CFAP299: variants seen among roughly 807,000 people sequenced by gnomAD.
CFAP299 encodes cilia and flagella associated protein 299.
CFAP299 carries 21 observed loss-of-function variants against 27.0 expected under a neutral mutation model. The ratio of observed to expected loss-of-function variants is 0.78; its 90% CI spans 0.55 to 1.12. The LOEUF is 1.12. Ranked by LOEUF, CFAP299 falls within the 50% of genes most tolerant of loss-of-function variation. The probability of loss-of-function intolerance (pLI) is 0.00; values close to 1 mark genes in which losing one functional copy is unlikely to be tolerated. For missense variants in CFAP299, 310 were observed against 276.6 expected (o/e 1.12, Z -0.86); for synonymous variants, 104 against 98.1 (o/e 1.06, Z -0.36).
rs1219715356 is a variant in CFAP299 at position 80,526,037 on chromosome 4, G to T, written c.243-57056G>T. Among the ~76,000 whole-genome samples the T allele has an allele frequency of 2.0e-5, 3 of 152,136 alleles. No individual in the cohort carries two copies. In the East Asian group the frequency reaches 5.8e-4, roughly 29 times the overall value. On this transcript the variant is annotated intron_variant, in intron 2 of 5. Coordinates refer to ENST00000358105, the MANE Select transcript of CFAP299 (RefSeq NM_152770.3). ...AAATTGTACTCATATAAGAGACATG[G>T]CTCCTTTCAGTTGGGTTTTAAATAT...
At chr4:80,448,295 G>A (rs775394450) in intron 2 of CFAP299, among the ~76,000 whole-genome samples, 5 of 152,134 alleles carry the variant, frequency 3.3e-5, no homozygotes, top group Non-Finnish European at 7.4e-5. Context: ...GTATTACTTA[G>A]CATTTAAGAA....
chr4:80,407,209 A>G (rs1726475282), intron 2 of CFAP299, among the ~76,000 whole-genome samples: 1 of 152,224 alleles, frequency 6.6e-6, no homozygotes, highest in African/African-American at 2.4e-5. Flanking sequence ...CCAACAGAGT[A>G]TAGCCCTGAC....
At chr4:80,873,749 C>T (rs78398536) in intron 4 of CFAP299, among the ~76,000 whole-genome samples, 10 of 152,116 alleles carry the variant, frequency 6.6e-5, no homozygotes, top group Admixed American at 2.6e-4. Context: ...TTATAAGCTC[C>T]GCATATATTT....
chr4:80,796,500 T>C (rs1174333093), intron 3 of CFAP299, among the ~76,000 whole-genome samples: 1 of 152,044 alleles, frequency 6.6e-6, no homozygotes, highest in Non-Finnish European at 1.5e-5. Context: ...ACCACTGAGG[T>C]AGGATGGTAA....
chr4:80,345,256 AAC>A (rs1418641479), intron 1 of CFAP299, among the ~76,000 whole-genome samples: 2 of 152,116 alleles, frequency 1.3e-5, no homozygotes, highest in African/African-American at 2.4e-5. Context: ...GTCCCAGCCC[AAC>A]AGTTTCTTTT....
chr4:80,597,571 T>G (rs1011868534), intron 3 of CFAP299, among the ~76,000 whole-genome samples: 1 of 152,240 alleles, frequency 6.6e-6, no homozygotes, highest in Admixed American at 6.5e-5. Flanking sequence ...TTGCTAGAGA[T>G]GTTTCTACGC....
intron 4 of CFAP299, among the ~76,000 whole-genome samples, chr4:80,887,279 T>G (rs189331514): frequency 8.5e-5 from 13 of 152,076 alleles, no homozygotes; most frequent in African/African-American, 3.1e-4. Context: ...CTAAAGACAT[T>G]TAATAATCAA....
At chr4:80,805,262 TCTA>T (rs1434886642) in intron 3 of CFAP299, among the ~76,000 whole-genome samples, 1 of 152,058 alleles carries the variant, frequency 6.6e-6, no homozygotes, top group African/African-American at 2.4e-5. Context: ...AAAAGTCACT[TCTA>T]CAAATTTTCA....
At chr4:80,401,794 T>C (rs748975298) in intron 2 of CFAP299, among the ~76,000 whole-genome samples, 5 of 152,130 alleles carry the variant, frequency 3.3e-5, no homozygotes, top group Admixed American at 6.5e-5. Flanking sequence ...GCTTGCATTG[T>C]GCACTTGAAA....
At chr4:80,550,215 A>G (rs953475406) in intron 2 of CFAP299, among the ~76,000 whole-genome samples, 8 of 152,138 alleles carry the variant, frequency 5.3e-5, no homozygotes, top group Non-Finnish European at 1.0e-4. Flanking sequence ...ACAATCATTT[A>G]TTGAGCTCAA....
At chr4:80,494,099 C>T (rs890610590) in intron 2 of CFAP299, among the ~76,000 whole-genome samples, 2 of 152,180 alleles carry the variant, frequency 1.3e-5, no homozygotes, top group Non-Finnish European at 2.9e-5. Flanking sequence ...TTGAAGTTAG[C>T]AGAGTGAATC....
intron 4 of CFAP299, among the ~76,000 whole-genome samples, chr4:80,904,271 G>T (rs1735073535): frequency 6.6e-6 from 1 of 152,086 alleles, no homozygotes; most frequent in African/African-American, 2.4e-5. Context: ...TCCTTAAAAT[G>T]GTTCCAGAGT....
At chr4:80,589,169 T>C (rs1349849394) in intron 3 of CFAP299, among the ~76,000 whole-genome samples, 1 of 152,176 alleles carries the variant, frequency 6.6e-6, no homozygotes, top group Non-Finnish European at 1.5e-5. Flanking sequence ...GCACTTTATA[T>C]GTTAACTCAA....
intron 3 of CFAP299, among the ~76,000 whole-genome samples, chr4:80,774,800 T>G (rs1578111625): frequency 1.3e-5 from 2 of 152,070 alleles, no homozygotes; most frequent in African/African-American, 2.4e-5. Context: ...GCTTATAATA[T>G]CCACAATCTT....
intron 3 of CFAP299, among the ~76,000 whole-genome samples, chr4:80,794,548 G>C (rs1173172421): frequency 2.0e-5 from 3 of 152,094 alleles, no homozygotes; most frequent in Non-Finnish European, 4.4e-5. Context: ...CCATTCCACT[G>C]TTCTATCAAT....
At chr4:80,820,845 G>T (rs1729667668) in intron 3 of CFAP299, among the ~76,000 whole-genome samples, 1 of 152,098 alleles carries the variant, frequency 6.6e-6, no homozygotes, top group Non-Finnish European at 1.5e-5. Context: ...CTGATGATAG[G>T]CTTTAAGAAT....
At chr4:80,724,764 C>T (rs1016039081) in intron 3 of CFAP299, among the ~76,000 whole-genome samples, 1 of 152,024 alleles carries the variant, frequency 6.6e-6, no homozygotes, top group African/African-American at 2.4e-5. Context: ...AATATTTCTT[C>T]TGTTATTTTT....
intron 3 of CFAP299, among the ~76,000 whole-genome samples, chr4:80,627,162 T>C (rs1391657208): frequency 6.6e-6 from 1 of 151,996 alleles, no homozygotes; most frequent in Non-Finnish European, 1.5e-5. Flanking sequence ...TCAAGTGGTA[T>C]TCATTCCAGT....
intron 3 of CFAP299, among the ~76,000 whole-genome samples, chr4:80,651,298 TCTCTTTCTTTCTTTC>T (rs1272200182): frequency 4.7e-5 from 7 of 150,278 alleles, no homozygotes; most frequent in African/African-American, 7.4e-5. Flanking sequence ...TTACTCTCTC[TCTCTTTCTTTCTTTC>T]TTCTTTCTTT....
Sources: allele counts gnomAD v4.1 joint callset (sites outside exome capture counted in the v4.1 genomes callset), GRCh38; gene constraint gnomAD v4.1.1; transcripts MANE v1.5; gene names NCBI Gene and HGNC (gene_info 2026-07-23, HGNC 2026-07-21).